LRRC4C: variants seen among roughly 807,000 people sequenced by gnomAD.
The protein encoded by LRRC4C is leucine rich repeat containing 4C.
A neutral mutation model predicts 33.6 loss-of-function variants in LRRC4C; 5 were observed. That is an observed-to-expected ratio of 0.15 (90% CI 0.08 to 0.31). LRRC4C has a LOEUF of 0.31. LRRC4C is among the 10% of genes least tolerant of loss of function. LRRC4C has a pLI of 1.00. For missense variants in LRRC4C, 560 were observed against 796.7 expected (o/e 0.70, Z 3.58); for synonymous variants, 329 against 302.0 (o/e 1.09, Z -0.93).
intron 2 of LRRC4C, among the ~76,000 whole-genome samples, chr11:40,717,169 A>T (rs1946769400): frequency 6.6e-6 from 1 of 152,092 alleles, no homozygotes; most frequent in Non-Finnish European, 1.5e-5. Flanking sequence ...GTGAGGGCAA[A>T]TTCCGTTTAT....
At chr11:40,697,113 T>A (rs1945604290) in intron 2 of LRRC4C, among the ~76,000 whole-genome samples, 1 of 152,108 alleles carries the variant, frequency 6.6e-6, no homozygotes, top group Admixed American at 6.6e-5. Context: ...CAGCCTCAAG[T>A]TCTCAACTAT....
At chr11:40,763,071 ATG>A (rs202135796) in intron 2 of LRRC4C, among the ~76,000 whole-genome samples, 1 of 145,930 alleles carries the variant, frequency 6.9e-6, no homozygotes, top group Non-Finnish European at 1.5e-5. Flanking sequence ...ATGTATATAT[ATG>A]TATACACACA....
intron 3 of LRRC4C, among the ~76,000 whole-genome samples, chr11:40,415,915 A>T (rs1415234185): frequency 6.6e-6 from 1 of 152,246 alleles, no homozygotes; most frequent in Non-Finnish European, 1.5e-5. Context: ...ATACGCATGT[A>T]TGAGCTATGA....
At chr11:40,659,952 A>AC (rs1206661874) in intron 2 of LRRC4C, among the ~76,000 whole-genome samples, 4 of 151,986 alleles carry the variant, frequency 2.6e-5, no homozygotes, top group Non-Finnish European at 1.5e-5. Context: ...GCTGAAACAT[A>AC]CCCCCCTGCT....
intron 3 of LRRC4C, among the ~76,000 whole-genome samples, chr11:40,607,233 A>G (rs1960714808): frequency 1.3e-5 from 2 of 152,178 alleles, no homozygotes; most frequent in African/African-American, 4.8e-5. Context: ...CGAAATTGGT[A>G]CAGGATGGGG....
chr11:40,255,500 A>T (rs770794721), intron 4 of LRRC4C, among the ~76,000 whole-genome samples: 1 of 152,222 alleles, frequency 6.6e-6, no homozygotes, highest in Non-Finnish European at 1.5e-5. Context: ...AACTTTATTT[A>T]TAATTTCTGA....
At chr11:41,129,650 A>G (rs1293171324) in intron 1 of LRRC4C, among the ~76,000 whole-genome samples, 1 of 151,926 alleles carries the variant, frequency 6.6e-6, no homozygotes, top group Non-Finnish European at 1.5e-5. Context: ...ACCTTTTCAA[A>G]TTCTAATTTT....
At chr11:40,205,255 G>C (rs182364825) in intron 5 of LRRC4C, among the ~76,000 whole-genome samples, 3 of 152,016 alleles carry the variant, frequency 2.0e-5, no homozygotes, top group Middle Eastern at 3.2e-3. Flanking sequence ...TAAAATTTAC[G>C]GTGTGATAAT....
chr11:41,306,298 T>G (rs552295326), intron 1 of LRRC4C, among the ~76,000 whole-genome samples: 1 of 152,354 alleles, frequency 6.6e-6, no homozygotes, highest in African/African-American at 2.4e-5. Context: ...AAGCTAGTAG[T>G]ATCTTTGTCT....
intron 3 of LRRC4C, among the ~76,000 whole-genome samples, chr11:40,350,642 T>G (rs1353918758): frequency 1.3e-5 from 2 of 152,086 alleles, no homozygotes; most frequent in African/African-American, 4.8e-5. Flanking sequence ...GCCATTGGTA[T>G]TTTGATAAGG....
intron 1 of LRRC4C, among the ~76,000 whole-genome samples, chr11:41,041,279 C>T (rs1436980064): frequency 2.6e-5 from 4 of 152,036 alleles, no homozygotes; most frequent in Non-Finnish European, 5.9e-5. Flanking sequence ...GGCAGAAGAG[C>T]TCATTTTTAA....
At position 40,898,353 on chromosome 11, in the gene LRRC4C, C is replaced by CAAAAAAAAAAAAAAAAAAAAAAA. The variant is rs765252333; in HGVS notation, c.-407+35281_-407+35282insTTTTTTTTTTTTTTTTTTTTTTT. ...GGGCAACAAGAGTGAAACTCCATCT[C>CAAAAAAAAAAAAAAAAAAAAAAA]AAAAAAAAAAAAAAAAAAAGAAAAA... On this transcript the variant is annotated intron_variant, in intron 2 of 6. Coordinates refer to ENST00000528697, the MANE Select transcript of LRRC4C (RefSeq NM_001258419.2). Among the ~76,000 whole-genome samples, 18 of 38,342 alleles carry CAAAAAAAAAAAAAAAAAAAAAAA rather than the reference C, an allele frequency of 4.7e-4. 1 individual carries two copies. The highest frequency in any genetic ancestry group is 1.4e-3 in the African/African-American group (13 of 9,584). 25.2% of individuals were successfully genotyped at this position (38,342 alleles called of 152,430 possible).
At chr11:40,381,953 C>CATT (rs1948884338) in intron 3 of LRRC4C, among the ~76,000 whole-genome samples, 1 of 99,064 alleles carries the variant, frequency 1.0e-5, no homozygotes. Context: ...TATCAGTCAG[C>CATT]GTTTTTTTTT....
intron 3 of LRRC4C, among the ~76,000 whole-genome samples, chr11:40,359,998 G>T (rs1947874400): frequency 6.6e-6 from 1 of 152,074 alleles, no homozygotes; most frequent in Admixed American, 6.6e-5. Context: ...CATTAAAGTG[G>T]TTACTGCTGA....
At chr11:41,218,202 G>T (rs916659799) in intron 1 of LRRC4C, among the ~76,000 whole-genome samples, 4 of 151,502 alleles carry the variant, frequency 2.6e-5, no homozygotes, top group African/African-American at 9.7e-5. Context: ...AGTGTATAGT[G>T]CATAGTTAAG....
intron 2 of LRRC4C, among the ~76,000 whole-genome samples, chr11:40,650,138 A>G (rs774900795): frequency 2.6e-5 from 4 of 152,206 alleles, no homozygotes; most frequent in Non-Finnish European, 4.4e-5. Flanking sequence ...CTGTCACAGT[A>G]TATCCTAATT....
At chr11:40,211,642 A>C (rs918744513) in intron 5 of LRRC4C, among the ~76,000 whole-genome samples, 1 of 152,212 alleles carries the variant, frequency 6.6e-6, no homozygotes, top group Non-Finnish European at 1.5e-5. Flanking sequence ...CTGAGCCCCA[A>C]ATATAATACT....
intron 3 of LRRC4C, among the ~76,000 whole-genome samples, chr11:40,603,407 T>C (rs1279832379): frequency 6.6e-6 from 1 of 152,188 alleles, no homozygotes; most frequent in Non-Finnish European, 1.5e-5. Flanking sequence ...TGAACTAATA[T>C]TCAAGTGAGT....
At chr11:40,759,586 T>G (rs1029816967) in intron 2 of LRRC4C, among the ~76,000 whole-genome samples, 2 of 151,940 alleles carry the variant, frequency 1.3e-5, no homozygotes, top group African/African-American at 4.8e-5. Flanking sequence ...CCTCAGTTAC[T>G]TTTGCAGCAA....
Sources: gnomAD v4.1 joint callset for allele counts (sites outside exome capture counted in the v4.1 genomes callset) on GRCh38, gnomAD v4.1.1 for gene constraint, MANE v1.5 for transcripts, NCBI Gene and HGNC (gene_info 2026-07-23, HGNC 2026-07-21) for gene names.